Variants in LARP1 observed in about 807,000 individuals in gnomAD.
The protein encoded by LARP1 is la-related protein 1.
Under a neutral mutation model 122.7 loss-of-function variants are expected in LARP1, and 36 were observed. The ratio of observed to expected loss-of-function variants is 0.29; its 90% CI spans 0.22 to 0.39. The LOEUF is 0.39. Ranked by LOEUF, LARP1 falls within the 10% of genes least tolerant of loss-of-function variation. The pLI is 1.00. For missense variants in LARP1, 1,040 were observed against 1,403.6 expected (o/e 0.74, Z 4.14); for synonymous variants, 539 against 528.7 (o/e 1.02, Z -0.27).
intron 1 of LARP1, among the ~76,000 whole-genome samples, chr5:154,720,121 G>T (rs896078512): frequency 6.6e-6 from 1 of 152,072 alleles, no homozygotes; most frequent in Non-Finnish European, 1.5e-5. Context: ...AACCTGGAAG[G>T]CGGAGGTTGC....
intron 1 of LARP1, among the ~76,000 whole-genome samples, chr5:154,694,931 G>T (rs1014011182): frequency 6.6e-6 from 1 of 151,892 alleles, no homozygotes; most frequent in Admixed American, 6.6e-5. Flanking sequence ...TCAACTCCTG[G>T]ACTCAAGCAA....
intron 10 of LARP1, among the ~76,000 whole-genome samples, chr5:154,801,579 G>C (rs1758357963): frequency 6.6e-6 from 1 of 152,192 alleles, no homozygotes; most frequent in Non-Finnish European, 1.5e-5. Flanking sequence ...TAGGTACTGA[G>C]TATATAATGG....
At chr5:154,799,502 G>T in intron 8 of LARP1, 89 bp from the exon 9 acceptor site, 2 of 1,407,496 alleles carry the variant, frequency 1.4e-6, no homozygotes, top group Non-Finnish European at 2.0e-6. Context: ...CTCATACCAA[G>T]CTCAGGGGAA....
chr5:154,688,478 T>C (rs1282232105), intron 1 of LARP1, among the ~76,000 whole-genome samples: 1 of 151,474 alleles, frequency 6.6e-6, no homozygotes, highest in Non-Finnish European at 1.5e-5. Flanking sequence ...GGTGAAACCC[T>C]GTCTCTTTCT....
chr5:154,755,891 G>C lies in LARP1; in HGVS notation c.134G>C (p.Arg45Pro), dbSNP rs941294121. The C allele has an allele frequency of 2.0e-6, 2 of 1,011,472 alleles. No homozygotes were observed. Among genetic ancestry groups the C allele is most frequent in the Non-Finnish European group, 2.4e-6 (2 of 845,254 alleles). The allele number at this position is 1,011,472 out of a possible 1,614,324, so 62.7% of individuals were successfully genotyped here. ...GKGEPGPNDV[R>P]GGEPDGSARR... ...GGCGAGCCCGGGCCAAACGACGTCC[G>C]CGGGGGGGAGCCGGACGGCAGCGCT... Residue 45 changes from arginine to proline, a missense_variant, in exon 1 of 19, where the codon CGC (arginine) becomes CCC (proline). Coordinates refer to ENST00000518297, the MANE Select transcript of LARP1 (RefSeq NM_033551.3).
intron 1 of LARP1, among the ~76,000 whole-genome samples, chr5:154,697,390 C>G (rs1420519366): frequency 6.6e-6 from 1 of 152,034 alleles, no homozygotes; most frequent in African/African-American, 2.4e-5. Context: ...GTCTTAGCAC[C>G]TGTGTCTACT....
chr5:154,698,529 G>A (rs537892002), intron 1 of LARP1, among the ~76,000 whole-genome samples: 46 of 152,244 alleles, frequency 3.0e-4, no homozygotes, highest in African/African-American at 1.1e-3. Flanking sequence ...TCCAGGAGGC[G>A]GAGGTTGCAT....
intron 1 of LARP1, among the ~76,000 whole-genome samples, chr5:154,764,670 C>T (rs913122618): frequency 1.3e-5 from 2 of 150,030 alleles, no homozygotes; most frequent in Admixed American, 6.7e-5. Flanking sequence ...TTTGGGAGGC[C>T]GAGGCGGGAG....
chr5:154,798,269 G>A (rs1160691641), intron 8 of LARP1, among the ~76,000 whole-genome samples: 2 of 152,110 alleles, frequency 1.3e-5, no homozygotes, highest in Non-Finnish European at 2.9e-5. Context: ...TCTCTTACAG[G>A]CAAACTTTTT....
chr5:154,775,268 C>A (rs550746782), intron 1 of LARP1, among the ~76,000 whole-genome samples: 1 of 152,152 alleles, frequency 6.6e-6, no homozygotes, highest in Non-Finnish European at 1.5e-5. Flanking sequence ...CCACTGCACT[C>A]CAGCCTGGGT....
chr5:154,810,647 C>T (rs1261300298), intron 16 of LARP1, among the ~76,000 whole-genome samples: 2 of 151,872 alleles, frequency 1.3e-5, no homozygotes, highest in African/African-American at 2.4e-5. Context: ...ACCACCACAC[C>T]TGGCTAATTT....
intron 1 of LARP1, among the ~76,000 whole-genome samples, chr5:154,747,806 G>A (rs1451811702): frequency 6.6e-6 from 1 of 152,180 alleles, no homozygotes; most frequent in Non-Finnish European, 1.5e-5. Context: ...GGAGACTGCA[G>A]TGAGCCAAGA....
At chr5:154,808,624 G>C in intron 16 of LARP1, 21 bp downstream of exon 16, 1 of 1,605,786 alleles carries the variant, frequency 6.2e-7, no homozygotes. Flanking sequence ...TTGGGTGGGG[G>C]ACTTTGGCTG....
At chr5:154,747,013 C>T (rs1003315788) in intron 1 of LARP1, among the ~76,000 whole-genome samples, 1 of 152,038 alleles carries the variant, frequency 6.6e-6, no homozygotes, top group Admixed American at 6.6e-5. Flanking sequence ...CACCTGTAAT[C>T]TCAGCGGCTC....
chr5:154,764,051 G>A lies in LARP1; in HGVS notation c.436+7858G>A, dbSNP rs543758904. On this transcript the variant is annotated intron_variant, in intron 1 of 18. Coordinates refer to ENST00000518297, the MANE Select transcript of LARP1 (RefSeq NM_033551.3). Reference sequence around the variant, plus strand: ...TGCCTGGGTGCGGTGGTTCACGCCTGTAATCCCAGCACTTTGGGAGGCCGA... The same window carrying A: ...TGCCTGGGTGCGGTGGTTCACGCCTATAATCCCAGCACTTTGGGAGGCCGA... Among the ~76,000 whole-genome samples, 4 of 151,994 alleles carry A rather than the reference G, an allele frequency of 2.6e-5. No homozygotes were observed. In the South Asian group the frequency reaches 8.3e-4, roughly 32 times the overall value.
Position 154,795,190 on chromosome 5 carries a change from C to T in LARP1, c.1248C>T (p.Ser416=), listed in dbSNP as rs753502389. The change falls in exon 8 of 19, where the codon AGC becomes AGT. Residue 416 remains serine (S), a synonymous_variant. Coordinates refer to ENST00000518297, the MANE Select transcript of LARP1 (RefSeq NM_033551.3). ...CTCCACTTAGTGAATACTACTTCAGCGTGGACAATTTAGAGCGAGACTTCT... is the reference window on the plus strand; with the variant it reads ...CTCCACTTAGTGAATACTACTTCAGTGTGGACAATTTAGAGCGAGACTTCT... ...YIKRQIEYYF[S]VDNLERDFFL... 12 of 1,613,816 alleles carry T rather than the reference C, an allele frequency of 7.4e-6. No homozygotes were observed. The highest frequency in any genetic ancestry group is 2.2e-5 in the South Asian group (2 of 91,070).
chr5:154,768,255 T>C (rs1261178208), intron 1 of LARP1, among the ~76,000 whole-genome samples: 2 of 152,218 alleles, frequency 1.3e-5, no homozygotes, highest in East Asian at 3.8e-4. Context: ...GTTCTGCAGC[T>C]ACAAGTTGGC....
chr5:154,757,618 A>ATGTC (rs1754080584), intron 1 of LARP1, among the ~76,000 whole-genome samples: 1 of 152,130 alleles, frequency 6.6e-6, no homozygotes, highest in Non-Finnish European at 1.5e-5. Flanking sequence ...GGGGAGCTTA[A>ATGTC]TGTCTTCACC....
intron 1 of LARP1, among the ~76,000 whole-genome samples, chr5:154,713,874 C>G (rs768354781): frequency 6.6e-6 from 1 of 152,190 alleles, no homozygotes; most frequent in African/African-American, 2.4e-5. Flanking sequence ...GTTGGGGGAG[C>G]TGAGGTCTCC....
Sources: allele counts gnomAD v4.1 joint callset (sites outside exome capture counted in the v4.1 genomes callset), GRCh38; gene constraint gnomAD v4.1.1; transcripts MANE v1.5; gene names NCBI Gene and HGNC (gene_info 2026-07-23, HGNC 2026-07-21).